The following EHBP1 variants were observed in gnomAD, a reference collection of about 807,000 sequenced individuals.
EHBP1 encodes the protein EH domain binding protein 1.
A neutral mutation model predicts 144.0 loss-of-function variants in EHBP1; 55 were observed. That is an observed-to-expected ratio of 0.38 (90% CI 0.31 to 0.48). The LOEUF is 0.48. Among genes scored for constraint, EHBP1 ranks in the 20% least tolerant of loss-of-function variants. The pLI is 0.98. For synonymous variants in EHBP1, 469 were observed against 472.7 expected, an observed-to-expected ratio of 0.99 and a Z score of 0.10; for missense variants, 1,200 against 1,364.2, an observed-to-expected ratio of 0.88 and a Z score of 1.90.
intron 19 of EHBP1, among the ~76,000 whole-genome samples, chr2:63,009,522 T>G (rs903497484): frequency 5.9e-5 from 9 of 151,664 alleles, no homozygotes; most frequent in African/African-American, 2.2e-4. Flanking sequence ...TTTCTCACCA[T>G]AAGTGCTCAT....
Position 63,038,785 on chromosome 2 carries a change from C to A in EHBP1, c.3246C>A (p.Asn1082Lys). 6.2e-7 allele frequency: 1 copy of A among 1,613,330 alleles called. No homozygotes were observed. The highest frequency in any genetic ancestry group is 8.5e-7 in the Non-Finnish European group (1 of 1,179,486). ...HDLERRYELLNRELRAMLAIE... is the reference protein window; with the variant it reads ...HDLERRYELLKRELRAMLAIE... ...TAGAACGACGGTATGAGCTGCTGAA[C>A]CGGGAATTGAGGGCAATGCTAGCCA... The change falls in exon 21 of 23, where the codon AAC becomes AAA. Residue 1082 changes from asparagine (N) to lysine (K), a missense_variant. Asn to Lys is a moderately conservative substitution (Grantham distance 94, BLOSUM62 0). Coordinates refer to ENST00000431489, the MANE Select transcript of EHBP1 (RefSeq NM_001142616.3).
chr2:62,821,621 A>G (rs1010140117), intron 5 of EHBP1, among the ~76,000 whole-genome samples: 2 of 152,320 alleles, frequency 1.3e-5, no homozygotes, highest in African/African-American at 4.8e-5. Context: ...TTGAGGCTGC[A>G]GTGAGCTGTT....
At chr2:62,832,438 C>CTTTTTTTTTTTTT (rs202005406) in intron 7 of EHBP1, among the ~76,000 whole-genome samples, 1 of 117,818 alleles carries the variant, frequency 8.5e-6, no homozygotes, top group Non-Finnish European at 1.8e-5. Context: ...TTTCTTTTTT[C>CTTTTTTTTTTTTT]TTTTTTTTTT....
At chr2:62,925,432 T>C (rs932698166) in intron 10 of EHBP1, among the ~76,000 whole-genome samples, 3 of 151,790 alleles carry the variant, frequency 2.0e-5, no homozygotes, top group African/African-American at 7.3e-5. Flanking sequence ...CATAATCTTA[T>C]ATGTAGAAAA....
At chr2:62,855,329 G>C (rs559012900) in intron 7 of EHBP1, among the ~76,000 whole-genome samples, 4 of 152,306 alleles carry the variant, frequency 2.6e-5, no homozygotes, top group African/African-American at 9.6e-5. Flanking sequence ...ACCCCTTCTG[G>C]ATTTTGGGCA....
At chr2:62,935,568 G>A (rs2056329726) in intron 10 of EHBP1, among the ~76,000 whole-genome samples, 1 of 151,900 alleles carries the variant, frequency 6.6e-6, no homozygotes, top group African/African-American at 2.4e-5. Context: ...CCAACACCTT[G>A]CTAAATTCTC....
chr2:62,875,377 A>G (rs2152848730), intron 10 of EHBP1, among the ~76,000 whole-genome samples: 1 of 152,366 alleles, frequency 6.6e-6, no homozygotes, highest in East Asian at 1.9e-4. Flanking sequence ...ACGAGTGCTG[A>G]GAGAGCCTTG....
intron 19 of EHBP1, among the ~76,000 whole-genome samples, chr2:63,021,100 C>T (rs2060725992): frequency 6.7e-6 from 1 of 148,816 alleles, no homozygotes; most frequent in African/African-American, 2.5e-5. Flanking sequence ...GGATCACAGG[C>T]ATGCACCACC....
At chr2:62,867,842 T>C (rs887967014) in intron 9 of EHBP1, among the ~76,000 whole-genome samples, 1 of 152,224 alleles carries the variant, frequency 6.6e-6, no homozygotes, top group African/African-American at 2.4e-5. Flanking sequence ...AGTTTACTAA[T>C]AGACTGTAGG....
At chr2:62,853,369 G>A (rs1409013440) in intron 7 of EHBP1, among the ~76,000 whole-genome samples, 3 of 152,234 alleles carry the variant, frequency 2.0e-5, no homozygotes, top group Non-Finnish European at 4.4e-5. Context: ...ATCCAGAGAA[G>A]CAACTCCTCA....
At position 62,793,344 on chromosome 2, in the gene EHBP1, G is replaced by A. The variant is rs547062920; in HGVS notation, c.312+21952G>A. ...GAGCTTTGAGGGGACCTCCATTTCCGCTGCAGTGACTCTCACTTTGGAATT... is the reference window on the plus strand; with the variant it reads ...GAGCTTTGAGGGGACCTCCATTTCCACTGCAGTGACTCTCACTTTGGAATT... On this transcript the variant is annotated intron_variant, in intron 5 of 22. Transcript: ENST00000431489. Among the ~76,000 whole-genome samples the A allele has an allele frequency of 6.6e-5, 10 of 152,006 alleles. No individual in the cohort carries two copies. In the South Asian group the frequency reaches 8.3e-4, roughly 13 times the overall value.
intron 12 of EHBP1, among the ~76,000 whole-genome samples, chr2:62,947,375 C>T (rs2057127451): frequency 6.6e-6 from 1 of 152,094 alleles, no homozygotes; most frequent in Non-Finnish European, 1.5e-5. Context: ...ACATAATTTC[C>T]TAACATGTCT....
intron 19 of EHBP1, among the ~76,000 whole-genome samples, chr2:63,034,829 A>G (rs2061392639): frequency 6.6e-6 from 1 of 151,912 alleles, no homozygotes. Context: ...TTTTTTCCTC[A>G]TGCATTAGAG....
chr2:62,765,029 A>G (rs1002250531), intron 4 of EHBP1, among the ~76,000 whole-genome samples: 25 of 152,118 alleles, frequency 1.6e-4, no homozygotes, highest in African/African-American at 4.1e-4. Context: ...GAGAAGGACA[A>G]TGGCTCTTCA....
intron 5 of EHBP1, among the ~76,000 whole-genome samples, chr2:62,820,611 T>G (rs1375334818): frequency 6.6e-6 from 1 of 151,324 alleles, no homozygotes; most frequent in Non-Finnish European, 1.5e-5. Context: ...TTTGTCCTTT[T>G]GTGTTTGTTT....
intron 7 of EHBP1, among the ~76,000 whole-genome samples, chr2:62,844,901 A>G (rs1249318416): frequency 6.6e-6 from 1 of 152,156 alleles, no homozygotes; most frequent in African/African-American, 2.4e-5. Context: ...ACTTAAAAGG[A>G]TATTGGATAG....
intron 5 of EHBP1, among the ~76,000 whole-genome samples, chr2:62,806,756 G>T (rs2044528043): frequency 6.6e-6 from 1 of 150,790 alleles, no homozygotes; most frequent in Admixed American, 6.6e-5. Context: ...TTTTAGTTTG[G>T]CTTTTAGTTC....
At chr2:62,841,354 G>A (rs55886116) in intron 7 of EHBP1, among the ~76,000 whole-genome samples, 1 of 116,884 alleles carries the variant, frequency 8.6e-6, no homozygotes, top group Admixed American at 9.9e-5. Context: ...GTGGGGGGAG[G>A]GGGGAGGGAT....
intron 19 of EHBP1, among the ~76,000 whole-genome samples, chr2:63,008,541 T>G (rs916313918): frequency 6.6e-6 from 1 of 151,522 alleles, no homozygotes; most frequent in Non-Finnish European, 1.5e-5. Context: ...ATTTGCAACT[T>G]TTAGTGATAT....
Sources: allele counts gnomAD v4.1 joint callset (sites outside exome capture counted in the v4.1 genomes callset), GRCh38; gene constraint gnomAD v4.1.1; transcripts MANE v1.5; gene names NCBI Gene and HGNC (gene_info 2026-07-23, HGNC 2026-07-21).